Variants in ERBB4 observed in about 807,000 individuals in gnomAD.
ERBB4 encodes the protein erb-b2 receptor tyrosine kinase 4, also known as receptor tyrosine-protein kinase erbB-4.
In ERBB4, 42 loss-of-function variants were observed where a neutral mutation model predicts 158.0. The ratio of observed to expected loss-of-function variants is 0.27; its 90% CI spans 0.21 to 0.34. The LOEUF is 0.34. Among genes scored for constraint, ERBB4 ranks in the 10% least tolerant of loss-of-function variants. ERBB4 has a pLI of 1.00. For missense variants in ERBB4, 1,333 were observed against 1,624.1 expected (o/e 0.82, Z 3.08); for synonymous variants, 583 against 558.7 (o/e 1.04, Z -0.61).
At chr2:211,957,401 C>G (rs1276147581) in intron 2 of ERBB4, among the ~76,000 whole-genome samples, 1 of 152,132 alleles carries the variant, frequency 6.6e-6, no homozygotes, top group Non-Finnish European at 1.5e-5. Flanking sequence ...AGCCCTTGAT[C>G]TCATACTTCC....
At chr2:211,717,560 T>C (rs973016113) in intron 7 of ERBB4, among the ~76,000 whole-genome samples, 1 of 152,184 alleles carries the variant, frequency 6.6e-6, no homozygotes, top group African/African-American at 2.4e-5. Context: ...CCTGGTGCGG[T>C]GGCTCACGCC....
chr2:212,073,523 T>C (rs2078185969), intron 2 of ERBB4, among the ~76,000 whole-genome samples: 4 of 151,928 alleles, frequency 2.6e-5, no homozygotes, highest in South Asian at 2.1e-4. Flanking sequence ...CCCAGGTAGC[T>C]AGTCACCCTG....
chr2:211,710,741 A>T (rs921221377), intron 9 of ERBB4, among the ~76,000 whole-genome samples: 10 of 151,526 alleles, frequency 6.6e-5, no homozygotes, highest in African/African-American at 2.2e-4. Context: ...GTGAGATCTG[A>T]TGGTTTTATA....
At chr2:212,500,714 A>T (rs1690841868) in intron 1 of ERBB4, among the ~76,000 whole-genome samples, 1 of 152,140 alleles carries the variant, frequency 6.6e-6, no homozygotes, top group African/African-American at 2.4e-5. Context: ...AGATAGAACA[A>T]ATTACACAAA....
chr2:211,805,352 C>G (rs989515728), intron 3 of ERBB4, among the ~76,000 whole-genome samples: 1 of 151,982 alleles, frequency 6.6e-6, no homozygotes, highest in Non-Finnish European at 1.5e-5. Flanking sequence ...TCTGTCTGAT[C>G]AAATATCCGA....
intron 3 of ERBB4, among the ~76,000 whole-genome samples, chr2:211,882,733 A>C (rs2078696795): frequency 6.6e-6 from 1 of 152,238 alleles, no homozygotes; most frequent in Non-Finnish European, 1.5e-5. Flanking sequence ...AAATTGTTTA[A>C]GTATAGCCAC....
chr2:212,294,028 AT>A (rs2086319363), intron 1 of ERBB4, among the ~76,000 whole-genome samples: 1 of 151,964 alleles, frequency 6.6e-6, no homozygotes, highest in South Asian at 2.1e-4. Flanking sequence ...ACAAAAATTT[AT>A]ATTTTCTTCA....
In ERBB4 at chr2:212,379,001, T is replaced by C. The variant is rs1254926118; in HGVS notation, c.82+159448A>G. 3.3e-5 allele frequency among the ~76,000 whole-genome samples: 5 copies of C among 151,800 alleles called. No individual in the cohort carries two copies. In the East Asian group the frequency reaches 9.7e-4, roughly 29 times the overall value. ...TTTTGTAATTTTGAAAAATTTTAAA[T>C]GTCATTACATTTATAGTAGAAATAA... On this transcript the variant is annotated intron_variant, in intron 1 of 27. Coordinates refer to ENST00000342788, the MANE Select transcript of ERBB4 (RefSeq NM_005235.3).
At chr2:212,056,599 A>C (rs1172997845) in intron 2 of ERBB4, among the ~76,000 whole-genome samples, 4 of 152,188 alleles carry the variant, frequency 2.6e-5, no homozygotes, top group East Asian at 3.9e-4. Flanking sequence ...ACTCTACAAG[A>C]CAGAAGAGAG....
intron 14 of ERBB4, among the ~76,000 whole-genome samples, chr2:211,668,210 T>C (rs559915776): frequency 3.3e-5 from 5 of 152,232 alleles, no homozygotes; most frequent in Non-Finnish European, 7.3e-5. Context: ...CACCATTGCA[T>C]ATGTCCATCA....
chr2:212,380,383 A>G (rs1276693271), intron 1 of ERBB4, among the ~76,000 whole-genome samples: 1 of 151,276 alleles, frequency 6.6e-6, no homozygotes, highest in African/African-American at 2.4e-5. Context: ...GGTTATATGC[A>G]AATACTACCA....
At chr2:212,122,201 T>C (rs1006225722) in intron 2 of ERBB4, among the ~76,000 whole-genome samples, 1 of 151,890 alleles carries the variant, frequency 6.6e-6, no homozygotes, top group African/African-American at 2.4e-5. Context: ...ACGTATACAG[T>C]ACTTATATAT....
intron 2 of ERBB4, among the ~76,000 whole-genome samples, chr2:212,049,004 C>T (rs1281142203): frequency 1.3e-5 from 2 of 152,172 alleles, no homozygotes; most frequent in African/African-American, 2.4e-5. Context: ...TGATTTCAGC[C>T]TGGTAAGGCT....
chr2:211,959,081 CTTT>C (rs1400646308), intron 2 of ERBB4, among the ~76,000 whole-genome samples: 1 of 152,036 alleles, frequency 6.6e-6, no homozygotes, highest in Non-Finnish European at 1.5e-5. Flanking sequence ...TCAAAAAAGT[CTTT>C]AAGTCTCTAT....
chr2:211,550,298 A>G (rs944936609), intron 20 of ERBB4, among the ~76,000 whole-genome samples: 1 of 151,936 alleles, frequency 6.6e-6, no homozygotes, highest in Admixed American at 6.6e-5. Context: ...GTTTGATCAC[A>G]GCTCTTTTCT....
intron 1 of ERBB4, among the ~76,000 whole-genome samples, chr2:212,286,594 CT>C (rs71054190): frequency 0.014 from 749 of 55,404 alleles, 1 homozygote; most frequent in African/African-American, 0.021. Context: ...TAAGTGCTGA[CT>C]TTTTTTTTTT....
intron 22 of ERBB4, among the ~76,000 whole-genome samples, chr2:211,426,665 G>A (rs2063635340): frequency 6.6e-6 from 1 of 151,258 alleles, no homozygotes. Context: ...TATATCTTGA[G>A]CTAATTTAAA....
chr2:212,514,640 A>G (rs2106291845), intron 1 of ERBB4, among the ~76,000 whole-genome samples: 1 of 152,280 alleles, frequency 6.6e-6, no homozygotes, highest in South Asian at 2.1e-4. Flanking sequence ...CCCCGTCTCT[A>G]CTAAAAATAC....
intron 2 of ERBB4, among the ~76,000 whole-genome samples, chr2:212,040,094 T>G (rs1474691628): frequency 2.6e-5 from 4 of 151,950 alleles, no homozygotes; most frequent in African/African-American, 9.7e-5. Flanking sequence ...GTAGACACCT[T>G]CAAAGGGCAT....
Sources: allele counts gnomAD v4.1 joint callset (sites outside exome capture counted in the v4.1 genomes callset), GRCh38; gene constraint gnomAD v4.1.1; transcripts MANE v1.5; gene names NCBI Gene and HGNC (gene_info 2026-07-23, HGNC 2026-07-21).